Variants in SRPK1 observed in about 807,000 individuals in gnomAD.
SRPK1 encodes the protein SFRS protein kinase 1.
Under a neutral mutation model 89.5 loss-of-function variants are expected in SRPK1, and 52 were observed. That is an observed-to-expected ratio of 0.58 (90% CI 0.46 to 0.73). The LOEUF is 0.73. Among genes scored for constraint, SRPK1 ranks in the 30% least tolerant of loss-of-function variants. The pLI, the probability that SRPK1 is intolerant of heterozygous loss-of-function variation, is 0.00. For synonymous variants in SRPK1, 255 were observed against 270.2 expected (o/e 0.94, Z 0.55); for missense variants, 603 against 780.6 (o/e 0.77, Z 2.71).
chr6:35,880,735 G>GAAAAAAAAAAAAAAAGAAAAA (rs1770258191), intron 6 of SRPK1, among the ~76,000 whole-genome samples: 2 of 26,970 alleles, frequency 7.4e-5, no homozygotes, highest in Non-Finnish European at 1.1e-4. Flanking sequence ...AAAAAAAAAA[G>GAAAAAAAAAAAAAAAGAAAAA]AAAAAAAAAA....
chr6:35,911,326 G>A (rs1250292809), intron 2 of SRPK1, among the ~76,000 whole-genome samples: 2 of 152,098 alleles, frequency 1.3e-5, no homozygotes, highest in African/African-American at 2.4e-5. Context: ...ACAGCAAGAG[G>A]ACTAGAATTA....
chr6:35,869,014 C>A lies in SRPK1; in HGVS notation c.1508G>T (p.Trp503Leu). 6.2e-7 allele frequency: 1 copy of A among 1,613,470 alleles called. No individual in the cohort carries two copies. Among genetic ancestry groups the A allele is most frequent in the South Asian group, 1.1e-5 (1 of 90,974 alleles). ...ATTAAGGCAAGTTTAACTTACCACC[C>A]AACAAGCATTTCCAAGGTCAGCAAT... ...VKIADLGNACWVHKHFTEDIQ... is the reference protein window; with the variant it reads ...VKIADLGNACLVHKHFTEDIQ... Residue 503 changes from tryptophan (W) to leucine (L), a missense_variant, in exon 12 of 16, where the codon TGG (tryptophan) becomes TTG (leucine). Transcript: ENST00000373825.
chr6:35,862,790 T>C (rs1024413474), intron 12 of SRPK1, among the ~76,000 whole-genome samples: 1 of 152,080 alleles, frequency 6.6e-6, no homozygotes, highest in Non-Finnish European at 1.5e-5. Flanking sequence ...ATTCAAGAGA[T>C]GAATGAGAAA....
intron 2 of SRPK1, among the ~76,000 whole-genome samples, chr6:35,917,787 T>A (rs1304607996): frequency 6.6e-6 from 1 of 152,222 alleles, no homozygotes; most frequent in Non-Finnish European, 1.5e-5. Context: ...AAAATTTTCA[T>A]TTAAACGCTT....
chr6:35,850,757 C>A (rs777388278), intron 13 of SRPK1, among the ~76,000 whole-genome samples: 12 of 152,000 alleles, frequency 7.9e-5, no homozygotes, highest in African/African-American at 1.9e-4. Flanking sequence ...ACAAAAAAAA[C>A]CCCATGTATC....
At chr6:35,866,299 T>C (rs910341102) in intron 12 of SRPK1, among the ~76,000 whole-genome samples, 1 of 152,118 alleles carries the variant, frequency 6.6e-6, no homozygotes, top group African/African-American at 2.4e-5. Flanking sequence ...GAAAATAGTA[T>C]GAATGGCCGG....
At chr6:35,872,927 T>TA (rs2127247835) in intron 7 of SRPK1, among the ~76,000 whole-genome samples, 199 bp from the exon 8 acceptor site, 1 of 152,226 alleles carries the variant, frequency 6.6e-6, no homozygotes, top group South Asian at 2.1e-4. Flanking sequence ...TTATTTACAA[T>TA]AAAAAATTCT....
At chr6:35,904,177 AAATT>A (rs1770800375) in intron 2 of SRPK1, among the ~76,000 whole-genome samples, 1 of 152,220 alleles carries the variant, frequency 6.6e-6, no homozygotes, top group South Asian at 2.1e-4. Flanking sequence ...AGTTATCTGA[AAATT>A]AAGTGTATTC....
intron 2 of SRPK1, among the ~76,000 whole-genome samples, chr6:35,895,873 A>AGT (rs1770617634): frequency 6.6e-6 from 1 of 152,218 alleles, no homozygotes; most frequent in African/African-American, 2.4e-5. Context: ...GAAAGGCCCA[A>AGT]GAGGGTGAAG....
In SRPK1 at chr6:35,862,131, G is replaced by A. The variant is rs576945527; in HGVS notation, c.1513-4763C>T. ...CTGCTTGCTTGGGTCCCAGCGGGTTGCTCCACCACTCTAACTGCCATCCCC... is the reference window on the plus strand; with the variant it reads ...CTGCTTGCTTGGGTCCCAGCGGGTTACTCCACCACTCTAACTGCCATCCCC... On this transcript the variant is annotated intron_variant, in intron 12 of 15. Transcript: ENST00000373825. Among the ~76,000 whole-genome samples, 5 of 152,186 alleles carry A rather than the reference G, an allele frequency of 3.3e-5. No homozygotes were observed. The South Asian group carries it at 1.0e-3, about 32-fold the overall frequency.
At chr6:35,860,210 G>C (rs1769752364) in intron 12 of SRPK1, among the ~76,000 whole-genome samples, 1 of 152,090 alleles carries the variant, frequency 6.6e-6, no homozygotes, top group Admixed American at 6.6e-5. Flanking sequence ...TGTCCCCTTT[G>C]AAACTAATAT....
At chr6:35,838,566 A>T (rs1670195312) in intron 14 of SRPK1, 137 bp from the exon 15 acceptor site, 1 of 1,380,862 alleles carries the variant, frequency 7.2e-7, no homozygotes, top group Admixed American at 2.3e-5. Context: ...TTCTATCCTA[A>T]ATGGGAAGAG....
chr6:35,920,476 G>C lies in SRPK1; in HGVS notation c.66C>G (p.Ala22=), dbSNP rs374532523. The C allele has an allele frequency of 6.2e-7, 1 of 1,613,240 alleles. No homozygotes were observed. The highest frequency in any genetic ancestry group is 1.3e-5 in the African/African-American group (1 of 74,890). The change falls in exon 2 of 16, where the codon GCC becomes GCG. Residue 22 remains alanine (A), a synonymous_variant. Coordinates refer to ENST00000373825, the MANE Select transcript of SRPK1 (RefSeq NM_003137.5). ...KKRTKAKKDK[A]QRKSETQHRG... ...TGGGGTACAAGACTCACTTCCTTTGGGCTTTGTCCTTCTTGGCCTTGGTCC... is the reference window on the plus strand; with the variant it reads ...TGGGGTACAAGACTCACTTCCTTTGCGCTTTGTCCTTCTTGGCCTTGGTCC...
At chr6:35,891,171 T>C (rs548515245) in intron 2 of SRPK1, 158 bp from the exon 3 acceptor site, 11 of 792,466 alleles carry the variant, frequency 1.4e-5, no homozygotes, top group African/African-American at 1.3e-4. Context: ...TTTTACCTCA[T>C]GTTAGAAAAA....
At chr6:35,863,253 G>A (rs1172316735) in intron 12 of SRPK1, among the ~76,000 whole-genome samples, 1 of 151,842 alleles carries the variant, frequency 6.6e-6, no homozygotes, top group Non-Finnish European at 1.5e-5. Context: ...CTGAGAACTT[G>A]AAGACAGGTC....
chr6:35,842,441 C>A lies in SRPK1; in HGVS notation c.1690+94G>T, dbSNP rs143955521. 3 of 868,186 alleles carry A rather than the reference C, an allele frequency of 3.5e-6. No individual in the cohort carries two copies. The East Asian group carries it at 8.6e-5, about 25-fold the overall frequency. The allele number at this position is 868,186 out of a possible 1,614,324, so 53.8% of individuals were successfully genotyped here. On this transcript the variant is annotated intron_variant, in intron 14 of 15. Transcript: ENST00000373825. ...GGGATTTACATGTTTTGCACACTAA[C>A]AAGACTAAGGCTCTTCGGTACTAAC... is the stretch of plus-strand genomic sequence containing the variant.
chr6:35,840,195 T>G (rs1272222001), intron 14 of SRPK1, among the ~76,000 whole-genome samples: 1 of 152,192 alleles, frequency 6.6e-6, no homozygotes, highest in African/African-American at 2.4e-5. Context: ...CAGTTATGTA[T>G]CTTATAGGGG....
intron 2 of SRPK1, among the ~76,000 whole-genome samples, chr6:35,909,236 C>T (rs915072715): frequency 6.6e-6 from 1 of 152,326 alleles, no homozygotes; most frequent in East Asian, 1.9e-4. Context: ...CCCCTTGCAT[C>T]GGCATGCCCT....
At chr6:35,884,026 C>T (rs1360120215) in intron 6 of SRPK1, among the ~76,000 whole-genome samples, 1 of 152,008 alleles carries the variant, frequency 6.6e-6, no homozygotes. Context: ...AGCCACTGCA[C>T]CCGGCCCACA....
Sources: gnomAD v4.1 joint callset for allele counts (sites outside exome capture counted in the v4.1 genomes callset) on GRCh38, gnomAD v4.1.1 for gene constraint, MANE v1.5 for transcripts, NCBI Gene and HGNC (gene_info 2026-07-23, HGNC 2026-07-21) for gene names.